SUSD6: variants seen among roughly 807,000 people sequenced by gnomAD.
SUSD6 encodes the protein sushi domain-containing protein 6.
In SUSD6, 16 loss-of-function variants were observed where a neutral mutation model predicts 28.4. That is an observed-to-expected ratio of 0.56 (90% CI 0.38 to 0.86). The LOEUF (loss-of-function observed/expected upper bound fraction) is 0.86. Ranked by LOEUF, SUSD6 falls within the 40% of genes least tolerant of loss-of-function variation. SUSD6 has a pLI of 0.00. For synonymous variants in SUSD6, 147 were observed against 159.6 expected, an observed-to-expected ratio of 0.92 and a Z score of 0.59; for missense variants, 341 against 384.2, an observed-to-expected ratio of 0.89 and a Z score of 0.94.
intron 1 of SUSD6, among the ~76,000 whole-genome samples, chr14:69,656,208 C>CA (rs1885580779): frequency 7.2e-6 from 1 of 139,792 alleles, no homozygotes; most frequent in African/African-American, 2.6e-5. Context: ...CTCCCTCTCA[C>CA]ATCCTTTAGG....
At chr14:69,661,324 C>T (rs1885657917) in intron 2 of SUSD6, among the ~76,000 whole-genome samples, 1 of 152,198 alleles carries the variant, frequency 6.6e-6, no homozygotes, top group South Asian at 2.1e-4. Context: ...CAGCTTCCCA[C>T]TCAAGATCCG....
At position 69,712,484 on chromosome 14, in the gene SUSD6, T is replaced by G. The variant is rs1361225452; in HGVS notation, c.*1505T>G. 2 of 152,292 alleles carry G rather than the reference T, an allele frequency of 1.3e-5. No individual in the cohort carries two copies. The highest frequency in any genetic ancestry group is 4.8e-5 in the African/African-American group (2 of 41,452). The allele number at this position is 152,292 out of a possible 1,614,324, so 9.4% of individuals were successfully genotyped here. On this transcript the variant is annotated 3_prime_UTR_variant, in exon 6 of 6. Transcript: ENST00000342745. ...TGTTTTGCTTTTTTCTGAAATTTTC[T>G]GAAGCACTGTGGCTGGGAAACTTCG...
chr14:69,693,705 A>T (rs1423314006), intron 2 of SUSD6, among the ~76,000 whole-genome samples: 1 of 152,188 alleles, frequency 6.6e-6, no homozygotes, highest in African/African-American at 2.4e-5. Context: ...CTTCTAAAAA[A>T]ACCTGTGGAG....
chr14:69,627,180 G>A (rs942311092), intron 1 of SUSD6, among the ~76,000 whole-genome samples: 1 of 152,206 alleles, frequency 6.6e-6, no homozygotes, highest in Non-Finnish European at 1.5e-5. Context: ...CTTTTATTAT[G>A]TTGCTCTAGT....
At position 69,704,796 on chromosome 14, in the gene SUSD6, G is replaced by C. The variant is rs775289918; in HGVS notation, c.458+54G>C. On this transcript the variant is annotated intron_variant, in intron 4 of 5. Coordinates refer to ENST00000342745, the MANE Select transcript of SUSD6 (RefSeq NM_014734.4). ...ACAGGCAGGTGCAAGCATTACTGTG[G>C]GGGCCAGTCTTTGGTGGAGGGTTGC... 6.3e-6 allele frequency: 10 copies of C among 1,586,434 alleles called. No individual in the cohort carries two copies. In the East Asian group the frequency reaches 2.0e-4, roughly 32 times the overall value.
chr14:69,700,518 T>C (rs1886298648), intron 2 of SUSD6, among the ~76,000 whole-genome samples: 2 of 152,238 alleles, frequency 1.3e-5, no homozygotes, highest in South Asian at 4.1e-4. Context: ...GTTATTTTTT[T>C]GGACTTTTAA....
At chr14:69,696,332 C>T (rs1264963890) in intron 2 of SUSD6, among the ~76,000 whole-genome samples, 1 of 152,226 alleles carries the variant, frequency 6.6e-6, no homozygotes, top group Non-Finnish European at 1.5e-5. Context: ...CAGAAGAGTA[C>T]TTGGCACAGG....
chr14:69,680,270 C>G (rs1190941519), intron 2 of SUSD6, among the ~76,000 whole-genome samples: 1 of 152,132 alleles, frequency 6.6e-6, no homozygotes, highest in Non-Finnish European at 1.5e-5. Context: ...GGCATCAGTG[C>G]CCTTACTCCT....
intron 1 of SUSD6, among the ~76,000 whole-genome samples, chr14:69,616,724 C>T (rs954383968): frequency 1.3e-5 from 2 of 152,066 alleles, no homozygotes; most frequent in African/African-American, 2.4e-5. Flanking sequence ...ATTCTACCAC[C>T]CTAACATAAT....
chr14:69,687,339 G>T (rs977131417), intron 2 of SUSD6, among the ~76,000 whole-genome samples: 1 of 152,172 alleles, frequency 6.6e-6, no homozygotes, highest in African/African-American at 2.4e-5. Context: ...TCGAACTCCT[G>T]ACCTCAGGTG....
chr14:69,675,960 G>A (rs1281471298), intron 2 of SUSD6, among the ~76,000 whole-genome samples: 5 of 152,096 alleles, frequency 3.3e-5, no homozygotes, highest in African/African-American at 4.8e-5. Context: ...TGTTTTTAAC[G>A]CTGACTTCCC....
intron 2 of SUSD6, among the ~76,000 whole-genome samples, chr14:69,689,505 A>C (rs551753579): frequency 2.0e-5 from 3 of 152,186 alleles, no homozygotes; most frequent in African/African-American, 7.2e-5. Context: ...TCCCAAAGAG[A>C]CTGAAGTCTC....
chr14:69,664,866 AG>A (rs1198741778), intron 2 of SUSD6, among the ~76,000 whole-genome samples: 1 of 152,198 alleles, frequency 6.6e-6, no homozygotes, highest in Non-Finnish European at 1.5e-5. Context: ...AACAAAAATT[AG>A]GGTTAACACT....
chr14:69,627,048 A>G (rs139450681), intron 1 of SUSD6, among the ~76,000 whole-genome samples: 438 of 152,248 alleles, frequency 2.9e-3, no homozygotes, highest in African/African-American at 1.0e-2. Context: ...TGGATCCTAG[A>G]GGATGTTAAA....
At chr14:69,651,362 G>T (rs559626294) in intron 1 of SUSD6, among the ~76,000 whole-genome samples, 2 of 152,172 alleles carry the variant, frequency 1.3e-5, no homozygotes, top group African/African-American at 4.8e-5. Context: ...AGACAAGGGC[G>T]CAGGGAATAT....
At chr14:69,699,620 C>CT (rs575471631) in intron 2 of SUSD6, among the ~76,000 whole-genome samples, 40 of 151,568 alleles carry the variant, frequency 2.6e-4, no homozygotes, top group African/African-American at 9.4e-4. Flanking sequence ...CATACTTCAG[C>CT]TTTTTTCTTT....
chr14:69,712,507 T>A lies in SUSD6; in HGVS notation c.*1528T>A, dbSNP rs1886478871. On this transcript the variant is annotated 3_prime_UTR_variant, in exon 6 of 6. Transcript: ENST00000342745. ...TCTGAAGCACTGTGGCTGGGAAACTTCGAAGCGGACCCTGTGCTGCATGTC... is the reference window on the plus strand; with the variant it reads ...TCTGAAGCACTGTGGCTGGGAAACTACGAAGCGGACCCTGTGCTGCATGTC... 6.6e-6 allele frequency: 1 copy of A among 152,262 alleles called. No individual in the cohort carries two copies. The highest frequency in any genetic ancestry group is 1.5e-5 in the Non-Finnish European group (1 of 68,092). 9.4% of individuals were successfully genotyped at this position (152,262 alleles called of 1,614,324 possible).
At chr14:69,644,404 C>T (rs915772049) in intron 1 of SUSD6, among the ~76,000 whole-genome samples, 7 of 152,136 alleles carry the variant, frequency 4.6e-5, no homozygotes, top group African/African-American at 1.7e-4. Context: ...GTAATCCCAG[C>T]ACTTTGGTAG....
At chr14:69,647,913 A>G (rs574859523) in intron 1 of SUSD6, among the ~76,000 whole-genome samples, 1 of 152,292 alleles carries the variant, frequency 6.6e-6, no homozygotes, top group South Asian at 2.1e-4. Flanking sequence ...TGAACCCGAG[A>G]GGCAGAGGTT....
Sources: allele counts gnomAD v4.1 joint callset (sites outside exome capture counted in the v4.1 genomes callset), GRCh38; gene constraint gnomAD v4.1.1; transcripts MANE v1.5; gene names NCBI Gene and HGNC (gene_info 2026-07-23, HGNC 2026-07-21).